The following PTPRM variants were observed in gnomAD, a reference collection of about 807,000 sequenced individuals.
PTPRM encodes the protein receptor-type tyrosine-protein phosphatase mu.
Under a neutral mutation model 186.7 loss-of-function variants are expected in PTPRM, and 47 were observed. That is an observed-to-expected ratio of 0.25 (90% confidence interval 0.20 to 0.32). The LOEUF is 0.32. Ranked by LOEUF, PTPRM falls within the 10% of genes least tolerant of loss-of-function variation. The pLI is 1.00. For synonymous variants in PTPRM, 668 were observed against 674.9 expected (o/e 0.99, Z 0.16); for missense variants, 1,494 against 1,865.0 (o/e 0.80, Z 3.66).
At chr18:8,136,832 G>C (rs373555614) in intron 13 of PTPRM, among the ~76,000 whole-genome samples, 43 of 152,136 alleles carry the variant, frequency 2.8e-4, no homozygotes, top group African/African-American at 1.0e-3. Flanking sequence ...TTAATTCTCT[G>C]GGCAACAAGA....
At chr18:8,325,310 C>T (rs982906944) in intron 22 of PTPRM, among the ~76,000 whole-genome samples, 10 of 152,106 alleles carry the variant, frequency 6.6e-5, no homozygotes, top group African/African-American at 1.7e-4. Flanking sequence ...TCCTCTCCCT[C>T]CTCCCACCCT....
intron 13 of PTPRM, among the ~76,000 whole-genome samples, chr18:8,139,423 A>C (rs114828325): frequency 0.02 from 3,114 of 152,252 alleles, 98 homozygotes; most frequent in African/African-American, 0.071. Context: ...CTCGTAACTG[A>C]GGTCCCTGCC....
chr18:8,102,610 C>T (rs957523459), intron 11 of PTPRM, among the ~76,000 whole-genome samples: 2 of 152,316 alleles, frequency 1.3e-5, no homozygotes, highest in African/African-American at 4.8e-5. Flanking sequence ...GGCTCCACTT[C>T]TAATTCTAGT....
At chr18:8,208,542 C>G (rs2093960213) in intron 14 of PTPRM, among the ~76,000 whole-genome samples, 1 of 151,030 alleles carries the variant, frequency 6.6e-6, no homozygotes, top group Non-Finnish European at 1.5e-5. Context: ...AACAGGGTCT[C>G]ACTCTGTCAC....
intron 2 of PTPRM, among the ~76,000 whole-genome samples, chr18:7,832,561 G>T (rs1212079217): frequency 6.6e-6 from 1 of 152,100 alleles, no homozygotes; most frequent in East Asian, 1.9e-4. Flanking sequence ...TTCCGATTCT[G>T]CAGGTTGTCT....
intron 1 of PTPRM, among the ~76,000 whole-genome samples, chr18:7,657,001 G>A (rs1314176174): frequency 6.7e-6 from 1 of 150,364 alleles, no homozygotes; most frequent in East Asian, 2.0e-4. Context: ...TTTTCCTTTG[G>A]AAACTTTCTG....
intron 7 of PTPRM, among the ~76,000 whole-genome samples, chr18:7,958,362 C>CA (rs1346069253): frequency 2.0e-5 from 3 of 152,070 alleles, no homozygotes; most frequent in Admixed American, 2.0e-4. Context: ...TTAAGAGAGA[C>CA]AGCACAAAAT....
intron 2 of PTPRM, among the ~76,000 whole-genome samples, chr18:7,797,783 G>A (rs1027122211): frequency 1.3e-5 from 2 of 152,206 alleles, no homozygotes; most frequent in African/African-American, 4.8e-5. Flanking sequence ...GACACCTGCA[G>A]TGTTTCAGGC....
At chr18:7,569,689 T>C (rs1036518449) in intron 1 of PTPRM, among the ~76,000 whole-genome samples, 1 of 152,236 alleles carries the variant, frequency 6.6e-6, no homozygotes, top group Non-Finnish European at 1.5e-5. Flanking sequence ...ATTTAAACCA[T>C]GGGTTCCTCA....
At chr18:8,026,595 G>C (rs1005880482) in intron 7 of PTPRM, among the ~76,000 whole-genome samples, 3 of 152,098 alleles carry the variant, frequency 2.0e-5, no homozygotes, top group Non-Finnish European at 4.4e-5. Flanking sequence ...AGTGGCTCAC[G>C]CTTGTAATTC....
In PTPRM at chr18:8,125,998, TATATATATATATATATATATATATATA is replaced by T. The variant is rs1166798901; in HGVS notation, c.2167+11172_2167+11198del. 3.3e-4 allele frequency among the ~76,000 whole-genome samples: 5 copies of T among 14,944 alleles called. 1 individual carries two copies. The highest frequency in any genetic ancestry group is 4.4e-4 in the Non-Finnish European group (2 of 4,502). 9.8% of individuals were successfully genotyped at this position (14,944 alleles called of 152,430 possible). A position where few individuals can be genotyped will look rare whatever the true frequency, so the allele number is the denominator to read the frequency against. On this transcript the variant is annotated intron_variant, in intron 13 of 32. Coordinates refer to ENST00000580170, the MANE Select transcript of PTPRM (RefSeq NM_001105244.2). ...ATACATATATATATATATATATATATATATATATATATATATATATATATATATATTTTAAATCAGTAGACCTTTCCA... is the reference window on the plus strand; with the variant it reads ...ATACATATATATATATATATATATATTATTTTAAATCAGTAGACCTTTCCA...
At chr18:8,264,156 C>T (rs529231162) in intron 19 of PTPRM, among the ~76,000 whole-genome samples, 27 of 152,254 alleles carry the variant, frequency 1.8e-4, no homozygotes, top group African/African-American at 5.3e-4. Context: ...AAATCCTGCA[C>T]GTCTGATGAC....
intron 2 of PTPRM, among the ~76,000 whole-genome samples, chr18:7,784,696 A>C (rs773918073): frequency 6.6e-6 from 1 of 152,196 alleles, no homozygotes; most frequent in Non-Finnish European, 1.5e-5. Context: ...TCTCCTGAAT[A>C]AAACAGTAAA....
chr18:8,108,929 A>G (rs1023309012), intron 11 of PTPRM, among the ~76,000 whole-genome samples: 2 of 152,224 alleles, frequency 1.3e-5, no homozygotes, highest in Non-Finnish European at 2.9e-5. Context: ...CAAAGGCAGC[A>G]TGGGCAACTC....
At chr18:7,953,862 A>C (rs1251165142) in intron 6 of PTPRM, among the ~76,000 whole-genome samples, 1 of 152,218 alleles carries the variant, frequency 6.6e-6, no homozygotes, top group East Asian at 1.9e-4. Context: ...TTCAGCAAGC[A>C]AGCCAGCATT....
chr18:8,076,392 T>C (rs1026735950), intron 8 of PTPRM, 63 bp from the exon 9 acceptor site: 1 of 965,486 alleles, frequency 1.0e-6, no homozygotes, highest in African/African-American at 1.7e-5. Context: ...AAACCAAGTC[T>C]AGAAAAATCT....
At chr18:7,907,796 A>G (rs1353532873) in intron 4 of PTPRM, among the ~76,000 whole-genome samples, 2 of 152,006 alleles carry the variant, frequency 1.3e-5, no homozygotes, top group South Asian at 2.1e-4. Context: ...GCTCTTTCCC[A>G]TAATCCCCAA....
At chr18:8,252,092 T>G (rs926086110) in intron 17 of PTPRM, among the ~76,000 whole-genome samples, 1 of 152,218 alleles carries the variant, frequency 6.6e-6, no homozygotes, top group South Asian at 2.1e-4. Context: ...CTAGTAGGCC[T>G]CCATTAAAAT....
At chr18:8,044,395 CT>C (rs1438019126) in intron 7 of PTPRM, among the ~76,000 whole-genome samples, 1 of 152,128 alleles carries the variant, frequency 6.6e-6, no homozygotes, top group Non-Finnish European at 1.5e-5. Context: ...GTGCAGAGTG[CT>C]TGGATCATCT....
Sources: allele counts gnomAD v4.1 joint callset (sites outside exome capture counted in the v4.1 genomes callset), GRCh38; gene constraint gnomAD v4.1.1; transcripts MANE v1.5; gene names NCBI Gene and HGNC (gene_info 2026-07-23, HGNC 2026-07-21).